The following PCDHA6 variants were observed in gnomAD, a reference collection of about 807,000 sequenced individuals.
PCDHA6 encodes the protein protocadherin alpha-6.
Under a neutral mutation model 60.3 loss-of-function variants are expected in PCDHA6, and 55 were observed. That is an observed-to-expected ratio of 0.91 (90% CI 0.73 to 1.14). The LOEUF is 1.14. PCDHA6 is among the 50% of genes most tolerant of loss of function. The pLI is 0.00. For missense variants in PCDHA6, 1,327 were observed against 1,256.5 expected, an observed-to-expected ratio of 1.06 and a Z score of -0.85; for synonymous variants, 652 against 557.9, an observed-to-expected ratio of 1.17 and a Z score of -2.38.
At chr5:140,987,592 G>A (rs150671243) in intron 3 of PCDHA6, among the ~76,000 whole-genome samples, 29 of 152,290 alleles carry the variant, frequency 1.9e-4, no homozygotes, top group Admixed American at 1.6e-3. Context: ...GAGAATAGTG[G>A]TGTCTACCTT....
At chr5:140,835,806 T>G (rs1271549393) in intron 1 of PCDHA6, 2 of 1,612,866 alleles carry the variant, frequency 1.2e-6, no homozygotes, top group African/African-American at 2.7e-5. Flanking sequence ...CTGCCACATC[T>G]TCACTGTGTC....
At chr5:140,959,099 G>T (rs1233693181) in intron 1 of PCDHA6, among the ~76,000 whole-genome samples, 1 of 152,078 alleles carries the variant, frequency 6.6e-6, no homozygotes, top group Non-Finnish European at 1.5e-5. Context: ...CGGACATTCA[G>T]CAGGGGTCCG....
chr5:140,850,469 G>A lies in PCDHA6; in HGVS notation c.2394+19984G>A, dbSNP rs2150485500. 6.3e-6 allele frequency: 10 copies of A among 1,597,768 alleles called. 2 individuals carry two copies. The highest frequency in any genetic ancestry group is 8.6e-6 in the Non-Finnish European group (10 of 1,167,634). On this transcript the variant is annotated intron_variant, in intron 1 of 3. Transcript: ENST00000529310. Reference sequence around the variant, plus strand: ...TGGTGAAAGACCACGGGGAGCCAGCGCTGACGGCCACGGCCACTGTGCTGG... The same window carrying A: ...TGGTGAAAGACCACGGGGAGCCAGCACTGACGGCCACGGCCACTGTGCTGG...
chr5:141,002,135 G>A (rs1265359430), intron 3 of PCDHA6, among the ~76,000 whole-genome samples: 1 of 152,236 alleles, frequency 6.6e-6, no homozygotes, highest in African/African-American at 2.4e-5. Flanking sequence ...AGCCTTTGCC[G>A]GCTGCACTGA....
intron 1 of PCDHA6, chr5:140,843,145 GT>G: frequency 6.3e-7 from 1 of 1,596,072 alleles, no homozygotes; most frequent in Non-Finnish European, 8.6e-7. Context: ...CGTGGCTTTC[GT>G]ATGAGCTGCA....
intron 1 of PCDHA6, chr5:140,856,443 T>C: frequency 6.3e-7 from 1 of 1,598,282 alleles, no homozygotes; most frequent in Non-Finnish European, 8.6e-7. Flanking sequence ...CCGCCCAGGT[T>C]CTCCGTAACA....
chr5:140,946,561 T>C (rs1193170794), intron 1 of PCDHA6, among the ~76,000 whole-genome samples: 1 of 148,756 alleles, frequency 6.7e-6, no homozygotes, highest in Non-Finnish European at 1.5e-5. Context: ...AGTTCAGATA[T>C]AGAATCAACT....
chr5:140,912,343 A>AT (rs35252606), intron 1 of PCDHA6, among the ~76,000 whole-genome samples: 1,442 of 143,856 alleles, frequency 0.01, 7 homozygotes, highest in South Asian at 0.021. Flanking sequence ...TACACTAAGT[A>AT]TTTTTTTTTT....
intron 1 of PCDHA6, chr5:140,927,070 A>G (rs1697871410): frequency 1.9e-6 from 3 of 1,610,816 alleles, no homozygotes; most frequent in Non-Finnish European, 2.5e-6. Context: ...CTTCCTTTCC[A>G]GCCACCGCGA....
chr5:140,889,983 T>C (rs1347862441), intron 1 of PCDHA6, among the ~76,000 whole-genome samples: 1 of 152,208 alleles, frequency 6.6e-6, no homozygotes, highest in Non-Finnish European at 1.5e-5. Flanking sequence ...TCTCCAGTTG[T>C]CTTAGCTTTC....
intron 1 of PCDHA6, among the ~76,000 whole-genome samples, chr5:140,847,056 A>T (rs1554141637): frequency 6.7e-6 from 1 of 149,850 alleles, no homozygotes; most frequent in South Asian, 2.1e-4. Flanking sequence ...GAAGACACAG[A>T]AAGCATCAAT....
intron 1 of PCDHA6, among the ~76,000 whole-genome samples, chr5:140,936,092 C>T (rs941947685): frequency 1.3e-5 from 2 of 152,034 alleles, no homozygotes; most frequent in Admixed American, 6.6e-5. Context: ...AGGGTTTCAC[C>T]ATGTTGGCCA....
Position 140,843,193 on chromosome 5 carries a change from G to A in PCDHA6, c.2394+12708G>A, listed in dbSNP as rs2150355040. The A allele has an allele frequency of 5.0e-6, 8 of 1,595,932 alleles. 1 individual carries two copies. The highest frequency in any genetic ancestry group is 6.9e-6 in the Non-Finnish European group (8 of 1,165,582). On this transcript the variant is annotated intron_variant, in intron 1 of 3. Transcript: ENST00000529310. ...GCAGCCCTCGCATCCCGTTCCGCGTGGGGCTGTACACGGGCGAGATCAGCA... is the reference window on the plus strand; with the variant it reads ...GCAGCCCTCGCATCCCGTTCCGCGTAGGGCTGTACACGGGCGAGATCAGCA...
chr5:140,847,597 C>G (rs1439547927), intron 1 of PCDHA6: 1 of 149,348 alleles, frequency 6.7e-6, no homozygotes, highest in African/African-American at 2.5e-5. Context: ...GAAATTAAAA[C>G]ATATTGTAAT....
chr5:140,978,652 C>T (rs555324579), intron 1 of PCDHA6, among the ~76,000 whole-genome samples: 2 of 152,320 alleles, frequency 1.3e-5, no homozygotes, highest in East Asian at 1.9e-4. Flanking sequence ...CTGTTCTTCC[C>T]GTAGTGTTTT....
At chr5:140,850,071 G>A (rs2150465789) in intron 1 of PCDHA6, 1 of 1,596,556 alleles carries the variant, frequency 6.3e-7, no homozygotes, top group Non-Finnish European at 8.6e-7. Flanking sequence ...GTTGGACCAC[G>A]AGGAGCTGGA....
intron 1 of PCDHA6, among the ~76,000 whole-genome samples, chr5:140,942,598 A>C: frequency 7.1e-6 from 1 of 140,144 alleles, no homozygotes; most frequent in East Asian, 2.1e-4. Flanking sequence ...ATATAATTAT[A>C]GTGTTTATAT....
intron 1 of PCDHA6, chr5:140,967,874 C>T: frequency 6.2e-7 from 1 of 1,614,132 alleles, no homozygotes; most frequent in Non-Finnish European, 8.5e-7. Context: ...GCTCACGGAC[C>T]TGTATAGCCC....
At chr5:140,840,903 C>A (rs933771737) in intron 1 of PCDHA6, among the ~76,000 whole-genome samples, 3 of 151,914 alleles carry the variant, frequency 2.0e-5, no homozygotes, top group Admixed American at 6.6e-5. Context: ...ACATACAGGT[C>A]ATACTTAAAT....
Sources: gnomAD v4.1 joint callset for allele counts (sites outside exome capture counted in the v4.1 genomes callset) on GRCh38, gnomAD v4.1.1 for gene constraint, MANE v1.5 for transcripts, NCBI Gene and HGNC (gene_info 2026-07-23, HGNC 2026-07-21) for gene names.